The following EXTL3 variants were observed in gnomAD, a reference collection of about 807,000 sequenced individuals.
EXTL3 encodes exostosin-like 3.
EXTL3 carries 27 observed loss-of-function variants against 69.3 expected under a neutral mutation model. The observed-to-expected ratio is 0.39, with a 90% CI of 0.29 to 0.54. The LOEUF (loss-of-function observed/expected upper bound fraction) is 0.54, where lower values mean the gene tolerates loss of function less well. EXTL3 is among the 20% of genes least tolerant of loss of function. EXTL3 has a pLI of 0.69. For missense variants in EXTL3, 1,003 were observed against 1,231.8 expected (o/e 0.81, Z 2.78); for synonymous variants, 511 against 499.4 (o/e 1.02, Z -0.31).
At chr8:28,745,873 A>G (rs1195848582) in intron 6 of EXTL3, among the ~76,000 whole-genome samples, 1 of 152,218 alleles carries the variant, frequency 6.6e-6, no homozygotes, top group East Asian at 1.9e-4. Flanking sequence ...GAAAACTTCA[A>G]AACTGAGTAT....
At chr8:28,702,477 T>C (rs1800830123) in intron 1 of EXTL3, among the ~76,000 whole-genome samples, 1 of 152,202 alleles carries the variant, frequency 6.6e-6, no homozygotes, top group Admixed American at 6.5e-5. Flanking sequence ...CTTCCCCACA[T>C]TGAGCGAGAG....
intron 1 of EXTL3, among the ~76,000 whole-genome samples, chr8:28,633,486 T>C (rs1259124859): frequency 1.3e-5 from 2 of 151,756 alleles, no homozygotes; most frequent in Non-Finnish European, 2.9e-5. Flanking sequence ...ATACAAAAAT[T>C]AGCCGGGTGT....
chr8:28,626,802 G>A (rs1806498098), intron 1 of EXTL3, among the ~76,000 whole-genome samples: 1 of 152,196 alleles, frequency 6.6e-6, no homozygotes, highest in Non-Finnish European at 1.5e-5. Flanking sequence ...AGGTGGGACA[G>A]CCCTTCCAGG....
chr8:28,660,568 T>G (rs867609414), intron 1 of EXTL3, among the ~76,000 whole-genome samples: 1 of 152,152 alleles, frequency 6.6e-6, no homozygotes, highest in African/African-American at 2.4e-5. Context: ...ATTTATCATC[T>G]TAATCACTTT....
chr8:28,618,475 G>C (rs1018306294), upstream of EXTL3, among the ~76,000 whole-genome samples: 1 of 152,154 alleles, frequency 6.6e-6, no homozygotes, highest in African/African-American at 2.4e-5. Flanking sequence ...GGGAACCTGG[G>C]TTCAATGAAG....
intron 1 of EXTL3, among the ~76,000 whole-genome samples, chr8:28,632,291 A>G (rs1314055863): frequency 6.6e-6 from 1 of 152,012 alleles, no homozygotes; most frequent in African/African-American, 2.4e-5. Context: ...GCTACTTGGA[A>G]GGCTGAGGCA....
intron 3 of EXTL3, among the ~76,000 whole-genome samples, chr8:28,727,178 G>C (rs957668803): frequency 6.6e-6 from 1 of 152,142 alleles, no homozygotes; most frequent in Non-Finnish European, 1.5e-5. Context: ...GAGCCACCAT[G>C]CCTGGCCCTT....
chr8:28,635,593 C>T (rs1034593102), intron 1 of EXTL3, among the ~76,000 whole-genome samples: 8 of 149,394 alleles, frequency 5.4e-5, no homozygotes, highest in Non-Finnish European at 1.0e-4. Flanking sequence ...TGCCTGTAGT[C>T]CCAGCTACTT....
intron 3 of EXTL3, among the ~76,000 whole-genome samples, chr8:28,730,688 G>A (rs1347581831): frequency 6.6e-6 from 1 of 152,182 alleles, no homozygotes. Flanking sequence ...AAAAGTTTGT[G>A]TACGAGTAGT....
intron 1 of EXTL3, among the ~76,000 whole-genome samples, chr8:28,645,208 A>G (rs1806808937): frequency 6.6e-6 from 1 of 152,230 alleles, no homozygotes; most frequent in Admixed American, 6.5e-5. Context: ...CAAGTTTAAA[A>G]TATATTTAAA....
intron 1 of EXTL3, among the ~76,000 whole-genome samples, chr8:28,641,610 G>T (rs1806743541): frequency 6.6e-6 from 1 of 152,050 alleles, no homozygotes; most frequent in African/African-American, 2.4e-5. Flanking sequence ...CGGAGTAGCT[G>T]GGATTACAGG....
At chr8:28,615,962 C>T (rs2130535306) in intron 2 of EXTL3, among the ~76,000 whole-genome samples, 1 of 152,202 alleles carries the variant, frequency 6.6e-6, no homozygotes, top group South Asian at 2.1e-4. Context: ...AGGCCAGGCA[C>T]AGTGGCTCAC....
At position 28,649,462 on chromosome 8, in the gene EXTL3, T is replaced by C. The variant is rs148010460; in HGVS notation, c.-53+26652T>C. On this transcript the variant is annotated intron_variant, in intron 1 of 6. Transcript: ENST00000523149. ...ATTGTGTCTCGTAATTGTTTGTACA[T>C]GCCTTATTACTAATGAAGTTGAGCA... Among the ~76,000 whole-genome samples the C allele has an allele frequency of 4.3e-4, 66 of 152,378 alleles. No individual in the cohort carries two copies. The East Asian group carries it at 9.8e-3, about 23-fold the overall frequency.
intron 1 of EXTL3, among the ~76,000 whole-genome samples, chr8:28,706,954 A>G (rs1369508846): frequency 2.0e-5 from 3 of 151,976 alleles, no homozygotes; most frequent in Non-Finnish European, 4.4e-5. Context: ...TGTACTTGAG[A>G]TGAGATTACA....
intron 2 of EXTL3, among the ~76,000 whole-genome samples, chr8:28,610,923 A>G (rs1467139393): frequency 6.6e-6 from 1 of 152,042 alleles, no homozygotes; most frequent in Non-Finnish European, 1.5e-5. Flanking sequence ...TTGTATCTTT[A>G]GTAAAGATGG....
chr8:28,633,757 G>T (rs1806610110), intron 1 of EXTL3, among the ~76,000 whole-genome samples: 1 of 152,072 alleles, frequency 6.6e-6, no homozygotes, highest in Non-Finnish European at 1.5e-5. Flanking sequence ...GATGTTACAT[G>T]CCATCTAAAG....
At chr8:28,729,343 T>C (rs1003642072) in intron 3 of EXTL3, among the ~76,000 whole-genome samples, 8 of 148,666 alleles carry the variant, frequency 5.4e-5, no homozygotes, top group African/African-American at 2.0e-4. Flanking sequence ...GTGCCTGTAG[T>C]CCCAGCACTT....
chr8:28,671,319 T>TG (rs1807289097), intron 1 of EXTL3, among the ~76,000 whole-genome samples: 2 of 145,428 alleles, frequency 1.4e-5, no homozygotes, highest in South Asian at 4.5e-4. Flanking sequence ...GTTTTTTTTT[T>TG]TTTTTTTTTT....
intron 1 of EXTL3, among the ~76,000 whole-genome samples, chr8:28,652,586 G>A (rs571145450): frequency 6.6e-6 from 1 of 152,142 alleles, no homozygotes; most frequent in South Asian, 2.1e-4. Flanking sequence ...CCCAGGAGGT[G>A]GAGGCTGCAG....
Sources: allele counts gnomAD v4.1 joint callset (sites outside exome capture counted in the v4.1 genomes callset), GRCh38; gene constraint gnomAD v4.1.1; transcripts MANE v1.5; gene names NCBI Gene and HGNC (gene_info 2026-07-23, HGNC 2026-07-21).